Variants in DNAH2 observed in about 807,000 individuals in gnomAD.
DNAH2 encodes the protein dynein axonemal heavy chain 2.
In DNAH2, 323 loss-of-function variants were observed where a neutral mutation model predicts 523.5. The observed-to-expected ratio is 0.62, with a 90% CI of 0.56 to 0.68. The LOEUF is 0.68. Among genes scored for constraint, DNAH2 ranks in the 30% least tolerant of loss-of-function variants. DNAH2 has a pLI of 0.00. For synonymous variants in DNAH2, 2,093 were observed against 2,177.4 expected (o/e 0.96, Z 1.08); for missense variants, 4,907 against 5,701.5 (o/e 0.86, Z 4.49).
chr17:7,805,097 T>G, intron 60 of DNAH2, 23 bp downstream of exon 60: 1 of 1,608,604 alleles, frequency 6.2e-7, no homozygotes, highest in East Asian at 2.2e-5. Flanking sequence ...GGTGCAAGGA[T>G]GGGAGCCAGG....
intron 25 of DNAH2, 55 bp from the exon 26 acceptor site, chr17:7,770,502 G>T: frequency 6.2e-7 from 1 of 1,613,380 alleles, no homozygotes; most frequent in Non-Finnish European, 8.5e-7. Flanking sequence ...CTCAGCTCCT[G>T]TTCCCCTTAG....
At chr17:7,740,732 A>G in intron 10 of DNAH2, 78 bp from the exon 11 acceptor site, 1 of 1,553,592 alleles carries the variant, frequency 6.4e-7, no homozygotes, top group South Asian at 1.2e-5. Flanking sequence ...AGCGGGGTGC[A>G]GCTTTCCTCT....
At chr17:7,825,416 T>C (rs914676434) in intron 77 of DNAH2, among the ~76,000 whole-genome samples, 42 of 152,248 alleles carry the variant, frequency 2.8e-4, no homozygotes, top group Admixed American at 2.0e-4. Flanking sequence ...TAAGAGCTGT[T>C]TGAATCACGC....
intron 4 of DNAH2, among the ~76,000 whole-genome samples, chr17:7,730,314 C>T (rs1328754149): frequency 6.6e-6 from 1 of 152,182 alleles, no homozygotes; most frequent in Non-Finnish European, 1.5e-5. Context: ...TTGAGGTAAT[C>T]ACCGTGTATG....
intron 84 of DNAH2, 23 bp from the exon 85 acceptor site, chr17:7,833,048 G>T: frequency 3.7e-6 from 6 of 1,613,276 alleles, no homozygotes; most frequent in Non-Finnish European, 5.1e-6. Flanking sequence ...GCTTCTCCCA[G>T]ACCTGCTCCC....
At chr17:7,795,352 G>T (rs1468908719) in intron 49 of DNAH2, among the ~76,000 whole-genome samples, 2 of 152,026 alleles carry the variant, frequency 1.3e-5, no homozygotes, top group Non-Finnish European at 2.9e-5. Flanking sequence ...TGTTCCTCAT[G>T]AATATTTTGC....
rs150684629 is a variant in DNAH2, at chr17:7,806,868, C to G, written c.9443-282C>G. ...GTGATCCCTGCCCTAGAAGAAAGTG[C>G]AAAGCAGAGAGAAAAAAAGTGAAGT... On this transcript the variant is annotated intron_variant, in intron 61 of 85. Transcript: ENST00000572933. Among the ~76,000 whole-genome samples, 70 of 151,906 alleles carry G rather than the reference C, an allele frequency of 4.6e-4. 1 individual carries two copies. The highest frequency in any genetic ancestry group is 1.5e-3 in the African/African-American group (64 of 41,408).
At chr17:7,750,740 A>G (rs1420348987) in intron 12 of DNAH2, among the ~76,000 whole-genome samples, 3 of 152,204 alleles carry the variant, frequency 2.0e-5, no homozygotes, top group Non-Finnish European at 4.4e-5. Context: ...TAAAAATACC[A>G]CATACGTTAG....
At chr17:7,800,575 AT>A (rs994470904) in intron 56 of DNAH2, among the ~76,000 whole-genome samples, 12 of 150,254 alleles carry the variant, frequency 8.0e-5, no homozygotes, top group East Asian at 2.1e-4. Context: ...TACCTTAAAA[AT>A]TTTTTTTTGT....
intron 12 of DNAH2, among the ~76,000 whole-genome samples, chr17:7,748,197 A>C (rs1486956216): frequency 6.6e-6 from 1 of 152,190 alleles, no homozygotes; most frequent in Non-Finnish European, 1.5e-5. Flanking sequence ...GATTGCACTT[A>C]ACACAAACAT....
intron 3 of DNAH2, among the ~76,000 whole-genome samples, chr17:7,725,361 A>G (rs777579963): frequency 2.6e-4 from 38 of 148,742 alleles, no homozygotes; most frequent in Non-Finnish European, 4.9e-4. Flanking sequence ...AAGTGCTGGG[A>G]TTACAGGTGT....
chr17:7,755,425 C>T (rs1437995295), intron 12 of DNAH2, among the ~76,000 whole-genome samples: 1 of 151,830 alleles, frequency 6.6e-6, no homozygotes, highest in Admixed American at 6.6e-5. Flanking sequence ...GGCGTTTTGT[C>T]AGGAGGTTTA....
rs768230886 is a variant in DNAH2, at chr17:7,723,713, C to G, written c.228+24C>G. 17 of 1,606,670 alleles carry G rather than the reference C, an allele frequency of 1.1e-5. No individual in the cohort carries two copies. In the African/African-American group the frequency reaches 1.9e-4, roughly 18 times the overall value. On this transcript the variant is annotated intron_variant, in intron 3 of 85. Transcript: ENST00000572933. ...TGGTAGGCTTGGGTCTTCCCTGTGG[C>G]AGATATTCCTCCCCCAAAACTGGTG...
At chr17:7,783,849 AACTATT>A (rs2076667932) in intron 39 of DNAH2, among the ~76,000 whole-genome samples, 1 of 151,980 alleles carries the variant, frequency 6.6e-6, no homozygotes, top group African/African-American at 2.4e-5. Context: ...AAATCACAAA[AACTATT>A]AGATCCTAGG....
chr17:7,793,409 G>A (rs2076953704), intron 48 of DNAH2, among the ~76,000 whole-genome samples: 1 of 151,686 alleles, frequency 6.6e-6, no homozygotes, highest in Non-Finnish European at 1.5e-5. Context: ...GTGGGATTCT[G>A]AGCATATTGT....
Position 7,831,563 on chromosome 17 carries a change from C to A in DNAH2, c.12611+22C>A, listed in dbSNP as rs201924011. On this transcript the variant is annotated intron_variant, in intron 81 of 85. Transcript: ENST00000572933. The surrounding 1 kb of genome is among the most constrained non-coding windows in gnomAD (Gnocchi z 4.2). Reference sequence around the variant, plus strand: ...TCCTGTAAGACAGAGGGGGACTCTGCGGAACAGGGGAGGGTGTGAGGAGAA... The same window carrying A: ...TCCTGTAAGACAGAGGGGGACTCTGAGGAACAGGGGAGGGTGTGAGGAGAA... The A allele has an allele frequency of 1.2e-6, 2 of 1,613,850 alleles. No individual in the cohort carries two copies. The highest frequency in any genetic ancestry group is 1.3e-5 in the African/African-American group (1 of 74,888).
Position 7,798,068 on chromosome 17 carries a change from T to C in DNAH2, c.8231-89T>C. The C allele has an allele frequency of 6.7e-7, 1 of 1,488,152 alleles. No homozygotes were observed. 92.2% of individuals were successfully genotyped at this position (1,488,152 alleles called of 1,614,324 possible). ...TACCTCTTGGTTCCTCTGCTTCAGT[T>C]TCAGGGGCCCCAATCCCTAGCCTAG... On this transcript the variant is annotated intron_variant, in intron 53 of 85. Transcript: ENST00000572933. The surrounding 1 kb of genome is among the most constrained non-coding windows in gnomAD (Gnocchi z 5.5).
chr17:7,831,020 G>A lies in DNAH2; in HGVS notation c.12231-66G>A, dbSNP rs1248785231. On this transcript the variant is annotated intron_variant, in intron 79 of 85. Transcript: ENST00000572933. This position sits in a 1 kb window ranked among gnomAD's most constrained non-coding sequence, Gnocchi z 4.2. ...ACAAATTGGACATGCATAGGTTTGG[G>A]GTCTTGGCCTGGCATTGAGGGCTGA... is the stretch of plus-strand genomic sequence containing the variant. The A allele has an allele frequency of 1.3e-6, 2 of 1,546,882 alleles. No homozygotes were observed. Among genetic ancestry groups the A allele is most frequent in the African/African-American group, 2.7e-5 (2 of 73,760 alleles).
rs368672855 is a variant in DNAH2 at position 7,801,582 on chromosome 17, T to C, written c.8704T>C (p.Trp2902Arg). The change falls in exon 57 of 86, where the codon TGG (tryptophan) becomes CGG (arginine). Residue 2902 changes from tryptophan (W) to arginine (R), a missense_variant. Physicochemically the swap from Trp to Arg is moderately radical, Grantham distance 101. Coordinates refer to ENST00000572933, the MANE Select transcript of DNAH2 (RefSeq NM_020877.5). ...CCTCTCCAAACCCCTTCCCAGGAACTGGATCCGCCAGTACCCAGCCTTGGT... is the reference window on the plus strand; with the variant it reads ...CCTCTCCAAACCCCTTCCCAGGAACCGGATCCGCCAGTACCCAGCCTTGGT... ...LSPMGDPFRN[W>R]IRQYPALVNC... 2 of 1,614,070 alleles carry C rather than the reference T, an allele frequency of 1.2e-6. No homozygotes were observed. Among genetic ancestry groups the C allele is most frequent in the East Asian group, 2.2e-5 (1 of 44,898 alleles).
Sources: allele counts gnomAD v4.1 joint callset (sites outside exome capture counted in the v4.1 genomes callset), GRCh38; gene constraint gnomAD v4.1.1; non-coding constraint Gnocchi (gnomAD v3.1); transcripts MANE v1.5; gene names NCBI Gene and HGNC (gene_info 2026-07-23, HGNC 2026-07-21).